Variants in DGKI observed in about 807,000 individuals in gnomAD.
The protein encoded by DGKI is DAG kinase iota.
In DGKI, 55 loss-of-function variants were observed where a neutral mutation model predicts 147.5. The ratio of observed to expected loss-of-function variants is 0.37; its 90% CI spans 0.30 to 0.47. The LOEUF (loss-of-function observed/expected upper bound fraction) is 0.47. Ranked by LOEUF, DGKI falls within the 20% of genes least tolerant of loss-of-function variation. The pLI, the probability that DGKI is intolerant of heterozygous loss-of-function variation, is 1.00. For synonymous variants in DGKI, 469 were observed against 477.1 expected (o/e 0.98, Z 0.22); for missense variants, 1,007 against 1,323.8 (o/e 0.76, Z 3.71).
At chr7:137,753,641 C>T (rs1795584957) in intron 1 of DGKI, among the ~76,000 whole-genome samples, 1 of 152,136 alleles carries the variant, frequency 6.6e-6, no homozygotes, top group Non-Finnish European at 1.5e-5. Flanking sequence ...AATTAATTTG[C>T]TTTCCACTCT....
At chr7:137,414,839 T>A (rs1278377110) in intron 28 of DGKI, among the ~76,000 whole-genome samples, 1 of 152,234 alleles carries the variant, frequency 6.6e-6, no homozygotes, top group Admixed American at 6.5e-5. Flanking sequence ...ACATAAATTT[T>A]GGAAGTTATT....
intron 1 of DGKI, among the ~76,000 whole-genome samples, chr7:137,730,712 T>C (rs1445580855): frequency 6.6e-6 from 1 of 152,064 alleles, no homozygotes; most frequent in Non-Finnish European, 1.5e-5. Context: ...AACACATCCA[T>C]CACCCCGCAA....
intron 2 of DGKI, among the ~76,000 whole-genome samples, chr7:137,689,655 T>C (rs1823536575): frequency 6.6e-6 from 1 of 152,244 alleles, no homozygotes. Context: ...ACAGCTGCAG[T>C]AATACTTCAA....
intron 28 of DGKI, among the ~76,000 whole-genome samples, chr7:137,424,769 C>G (rs547286497): frequency 6.6e-6 from 1 of 152,186 alleles, no homozygotes; most frequent in South Asian, 2.1e-4. Flanking sequence ...CCTACGCCCA[C>G]GGAATCTCGC....
chr7:137,690,846 CAAG>C (rs142386442), intron 1 of DGKI, among the ~76,000 whole-genome samples: 5 of 151,690 alleles, frequency 3.3e-5, no homozygotes, highest in African/African-American at 9.7e-5. Context: ...ATAAGAACAG[CAAG>C]AAGAAGAAAA....
chr7:137,416,464 A>T (rs1395898455), intron 28 of DGKI, among the ~76,000 whole-genome samples: 2 of 152,196 alleles, frequency 1.3e-5, no homozygotes, highest in Non-Finnish European at 2.9e-5. Flanking sequence ...ATCTGCAAAG[A>T]GCTTTGTGTT....
At chr7:137,571,708 C>T (rs1818798930) in intron 18 of DGKI, among the ~76,000 whole-genome samples, 1 of 151,714 alleles carries the variant, frequency 6.6e-6, no homozygotes, top group Admixed American at 6.6e-5. Flanking sequence ...AAGAGGTACT[C>T]ACAGGAGAAG....
intron 28 of DGKI, among the ~76,000 whole-genome samples, chr7:137,421,187 A>T (rs145826256): frequency 6.6e-6 from 1 of 152,178 alleles, no homozygotes; most frequent in South Asian, 2.1e-4. Context: ...CAGAGCACAC[A>T]TCTCACATGG....
intron 13 of DGKI, 106 bp downstream of exon 13, chr7:137,586,991 C>T (rs1010499269): frequency 1.2e-6 from 1 of 814,550 alleles, no homozygotes; most frequent in South Asian, 2.3e-5. Context: ...CTAACTTATG[C>T]CTGGGACAGC....
rs565239099 is a variant in DGKI at position 137,820,973 on chromosome 7, G to T, written c.401+25489C>A. 7.2e-5 allele frequency among the ~76,000 whole-genome samples: 11 copies of T among 152,276 alleles called. No homozygotes were observed. In the South Asian group the frequency reaches 1.5e-3, roughly 20 times the overall value. On this transcript the variant is annotated intron_variant, in intron 1 of 32. Coordinates refer to ENST00000614521, the MANE Select transcript of DGKI (RefSeq NM_001321708.2). The stretch of plus-strand genomic sequence containing the variant: ...CTCCCCTGGGGCCCAGCCCTAGAGG[G>T]GGAGAGCAGCTCCTCCCCAGCTGCT...
intron 6 of DGKI, among the ~76,000 whole-genome samples, chr7:137,636,906 G>C (rs1037080229): frequency 8.5e-5 from 13 of 152,148 alleles, no homozygotes. Flanking sequence ...CCTGCACCAC[G>C]AGCAGAAGTT....
intron 1 of DGKI, among the ~76,000 whole-genome samples, chr7:137,808,947 C>T (rs1214616858): frequency 6.6e-6 from 1 of 152,126 alleles, no homozygotes; most frequent in Non-Finnish European, 1.5e-5. Flanking sequence ...ACTGGGGGAG[C>T]TTTCTCAAAC....
intron 3 of DGKI, among the ~76,000 whole-genome samples, chr7:137,668,189 T>A (rs1206296997): frequency 6.6e-6 from 1 of 152,236 alleles, no homozygotes; most frequent in African/African-American, 2.4e-5. Context: ...GATTGCTTCA[T>A]ATGATCTGTT....
At chr7:137,558,049 C>G (rs1818285233) in intron 19 of DGKI, among the ~76,000 whole-genome samples, 1 of 152,148 alleles carries the variant, frequency 6.6e-6, no homozygotes, top group African/African-American at 2.4e-5. Context: ...ACTAAATAGC[C>G]TCAATGGATC....
At chr7:137,627,831 T>C (rs1424487751) in intron 6 of DGKI, among the ~76,000 whole-genome samples, 1 of 152,160 alleles carries the variant, frequency 6.6e-6, no homozygotes, top group Non-Finnish European at 1.5e-5. Flanking sequence ...CTCAGAACCA[T>C]TCTTGGATCT....
At chr7:137,522,034 G>T in intron 20 of DGKI, 68 bp from the exon 21 acceptor site, 1 of 1,102,350 alleles carries the variant, frequency 9.1e-7, no homozygotes, top group Non-Finnish European at 1.4e-6. Context: ...GCACCTGAAG[G>T]AATAAGGGCA....
intron 5 of DGKI, among the ~76,000 whole-genome samples, chr7:137,649,430 T>C (rs1225386499): frequency 6.6e-6 from 1 of 152,172 alleles, no homozygotes; most frequent in Non-Finnish European, 1.5e-5. Flanking sequence ...TCTAACACCA[T>C]AAAACCTTTT....
At chr7:137,752,051 A>G (rs1795505232) in intron 1 of DGKI, among the ~76,000 whole-genome samples, 1 of 152,216 alleles carries the variant, frequency 6.6e-6, no homozygotes, top group African/African-American at 2.4e-5. Flanking sequence ...ACTACATTTC[A>G]GAATCATAAA....
At chr7:137,466,165 TC>T in intron 25 of DGKI, 130 bp from the exon 26 acceptor site, 1 of 1,141,506 alleles carries the variant, frequency 8.8e-7, no homozygotes, top group South Asian at 1.4e-5. Flanking sequence ...CAGTTGGTGA[TC>T]CTCCCCAAAG....
Sources: allele counts gnomAD v4.1 joint callset (sites outside exome capture counted in the v4.1 genomes callset), GRCh38; gene constraint gnomAD v4.1.1; transcripts MANE v1.5; gene names NCBI Gene and HGNC (gene_info 2026-07-23, HGNC 2026-07-21).